The following ANO9 variants were observed in gnomAD, a reference collection of about 807,000 sequenced individuals.
ANO9 encodes anoctamin 9.
A neutral mutation model predicts 100.5 loss-of-function variants in ANO9; 80 were observed. That is an observed-to-expected ratio of 0.80 (90% CI 0.66 to 0.96). ANO9 has a LOEUF of 0.96. Among genes scored for constraint, ANO9 ranks in the 40% least tolerant of loss-of-function variants. The probability of loss-of-function intolerance (pLI) is 0.00; values close to 1 mark genes in which losing one functional copy is unlikely to be tolerated. For synonymous variants in ANO9, 473 were observed against 435.6 expected, an observed-to-expected ratio of 1.09 and a Z score of -1.07; for missense variants, 1,064 against 1,072.7, an observed-to-expected ratio of 0.99 and a Z score of 0.11.
At chr11:419,752 C>A (rs377318908) in intron 19 of ANO9, 23 bp from the exon 20 acceptor site, 1 of 1,586,192 alleles carries the variant, frequency 6.3e-7, no homozygotes, top group East Asian at 2.2e-5. Flanking sequence ...AGTGGGCAAG[C>A]GGTCTGACTC....
rs567819745 is a variant in ANO9 at position 434,002 on chromosome 11, G to T, written c.81+22C>A. On this transcript the variant is annotated intron_variant, in intron 2 of 22. Coordinates refer to ENST00000332826, the MANE Select transcript of ANO9 (RefSeq NM_001012302.3). ...GCAGAGCAGGGCCAGGTGGGGCCCG[G>T]GAGGGGCCCCCGGACACCCACCTCA... 5.2e-6 allele frequency: 8 copies of T among 1,550,498 alleles called. No homozygotes were observed. In the African/African-American group the frequency reaches 6.8e-5, roughly 13 times the overall value.
In ANO9 at chr11:420,425, G is replaced by T. The variant is rs182229874; in HGVS notation, c.1786+38C>A. On this transcript the variant is annotated intron_variant, in intron 19 of 22. Transcript: ENST00000332826. The stretch of plus-strand genomic sequence containing the variant: ...GCGGGAAGCCCACAGGCCTGAGGCC[G>T]CCCAGTTCCCGCCCATCCTGCGCCC... 837 of 1,592,758 alleles carry T rather than the reference G, an allele frequency of 5.3e-4. 4 individuals are homozygous for T. In the Middle Eastern group the frequency reaches 0.017, roughly 32 times the overall value.
At position 433,464 on chromosome 11, in the gene ANO9, G is replaced by A; in HGVS notation, c.205-5C>T. ...CTGTTTCTGGTCCCGGATCACCTGG[G>A]GGCACATGGGATCCTCTATCCCACC... On this transcript the variant is annotated splice_region_variant and splice_polypyrimidine_tract_variant and intron_variant, in intron 3 of 22. Transcript: ENST00000332826. 1 of 1,612,278 alleles carries A rather than the reference G, an allele frequency of 6.2e-7. No individual in the cohort carries two copies. The highest frequency in any genetic ancestry group is 8.5e-7 in the Non-Finnish European group (1 of 1,179,576).
Position 430,090 on chromosome 11 carries a change from A to C in ANO9, c.764T>G (p.Phe255Cys). The change falls in exon 9 of 23, where the codon TTT (phenylalanine) becomes TGT (cysteine). Residue 255 changes from phenylalanine (F) to cysteine (C), a missense_variant. Coordinates refer to ENST00000332826, the MANE Select transcript of ANO9 (RefSeq NM_001012302.3). ...GACCCGGAGGCGACAAACCTTGGCAAAAGTGCAGGTTTCCGAGAGCCGCTG... is the reference window on the plus strand; with the variant it reads ...GACCCGGAGGCGACAAACCTTGGCACAAGTGCAGGTTTCCGAGAGCCGCTG... ...RYQRLSETCT[F>C]AKLTHLFDND... is the part of the protein sequence containing the mutation. 6.4e-7 allele frequency: 1 copy of C among 1,550,882 alleles called. No homozygotes were observed. Among genetic ancestry groups the C allele is most frequent in the Non-Finnish European group, 8.7e-7 (1 of 1,147,528 alleles).
At chr11:438,610 A>C (rs183584515) in intron 1 of ANO9, among the ~76,000 whole-genome samples, 262 of 150,094 alleles carry the variant, frequency 1.7e-3, no homozygotes, top group African/African-American at 6.3e-3. Flanking sequence ...GTGTTTACGG[A>C]GCCACACCCA....
At chr11:440,119 G>A (rs556774758) in intron 1 of ANO9, among the ~76,000 whole-genome samples, 17 of 152,180 alleles carry the variant, frequency 1.1e-4, no homozygotes, top group Non-Finnish European at 2.4e-4. Context: ...GGACTCAGCA[G>A]TCAGCACCTC....
At position 432,921 on chromosome 11, in the gene ANO9, G is replaced by A. The variant is rs762970649; in HGVS notation, c.350+393C>T. 1.5e-4 allele frequency: 28 copies of A among 189,652 alleles called. No homozygotes were observed. The highest frequency in any genetic ancestry group is 2.0e-4 in the Non-Finnish European group (19 of 93,730). 11.7% of individuals were successfully genotyped at this position (189,652 alleles called of 1,614,324 possible). On this transcript the variant is annotated intron_variant, in intron 4 of 22. Transcript: ENST00000332826. The surrounding 1 kb of genome is among the most constrained non-coding windows in gnomAD (Gnocchi z 4.8). The stretch of plus-strand genomic sequence containing the variant: ...GCTGGGCCTCTGGGTCTTTGCCTTG[G>A]AGGCCAGGGACGGTGTCCAGGAAGG...
chr11:428,385 A>C lies in ANO9; in HGVS notation c.1195T>G (p.Cys399Gly), dbSNP rs10794323. The stretch of plus-strand genomic sequence containing the variant: ...AAGTCACAAAGCTTCAGGGCCACGC[A>C]CCTGTTGATCTGCGGAGGAGGGCAC... ...TIIIMTKINR[C>G]VALKLCDFEM... The change falls in exon 14 of 23, where the codon TGC becomes GGC. Residue 399 changes from cysteine (C) to glycine (G), a missense_variant. Transcript: ENST00000332826. 1.2e-6 allele frequency: 2 copies of C among 1,612,426 alleles called. No individual in the cohort carries two copies. The highest frequency in any genetic ancestry group is 3.3e-5 in the Admixed American group (2 of 59,974).
intron 1 of ANO9, among the ~76,000 whole-genome samples, chr11:439,028 C>CT (rs1845620206): frequency 1.3e-5 from 2 of 152,328 alleles, no homozygotes; most frequent in South Asian, 4.1e-4. Context: ...GGCCCTAGCT[C>CT]TGACGCCACC....
Position 430,389 on chromosome 11 carries a change from T to C in ANO9, c.554A>G (p.Glu185Gly). 6 of 1,477,210 alleles carry C rather than the reference T, an allele frequency of 4.1e-6. No homozygotes were observed. The highest frequency in any genetic ancestry group is 5.5e-6 in the Non-Finnish European group (6 of 1,098,410). The allele number at this position is 1,477,210 out of a possible 1,614,324, so 91.5% of individuals were successfully genotyped here. A position where few individuals can be genotyped will look rare whatever the true frequency, so the allele number is the denominator to read the frequency against. ...PVDEIRNYFG[E>G]KVALYFVWLG... ...CCAGACGAAGTACAGGGCCACCTTT[T>C]CCCCAAAGTAGTTCCTGCAGGCAGC... The change falls in exon 8 of 23, where the codon GAA becomes GGA. Residue 185 changes from glutamate to glycine, a missense_variant. Coordinates refer to ENST00000332826, the MANE Select transcript of ANO9 (RefSeq NM_001012302.3).
At chr11:436,656 G>A (rs557052553) in intron 1 of ANO9, among the ~76,000 whole-genome samples, 6 of 146,166 alleles carry the variant, frequency 4.1e-5, no homozygotes, top group South Asian at 2.2e-4. Context: ...GTGAGCAGGG[G>A]GTGAGCAGGG....
chr11:437,157 G>A (rs1394059305), intron 1 of ANO9, among the ~76,000 whole-genome samples: 4 of 151,830 alleles, frequency 2.6e-5, no homozygotes, highest in Non-Finnish European at 2.9e-5. Flanking sequence ...TGTGCACTGC[G>A]CATGCAGGGA....
intron 1 of ANO9, among the ~76,000 whole-genome samples, chr11:436,429 C>A (rs1463634192): frequency 2.0e-5 from 3 of 151,978 alleles, no homozygotes; most frequent in Non-Finnish European, 2.9e-5. Context: ...CCAGCCCCCA[C>A]CCCACACACA....
At chr11:420,689 C>G (rs199998086) in intron 18 of ANO9, 29 bp downstream of exon 18, 1 of 1,602,446 alleles carries the variant, frequency 6.2e-7, no homozygotes, top group Non-Finnish European at 8.5e-7. Context: ...TTCGTCTCCG[C>G]GAACCCCCGC....
rs1225481843 is a variant in ANO9 at position 422,816 on chromosome 11, G to A, written c.1335-1618C>T. On this transcript the variant is annotated intron_variant, in intron 15 of 22. Coordinates refer to ENST00000332826, the MANE Select transcript of ANO9 (RefSeq NM_001012302.3). The surrounding 1 kb of genome is among the most constrained non-coding windows in gnomAD (Gnocchi z 4.3). ...TATCATTTTACTTATACAATCTTAA[G>A]CCAAGTCCCACAGAATTTTTTTTTT... Among the ~76,000 whole-genome samples the A allele has an allele frequency of 1.3e-5, 2 of 151,328 alleles. No homozygotes were observed. Among genetic ancestry groups the A allele is most frequent in the South Asian group, 2.1e-4 (1 of 4,786 alleles).
At chr11:433,173 C>A (rs1849156743) in intron 4 of ANO9, 141 bp downstream of exon 4, 9 of 1,184,634 alleles carry the variant, frequency 7.6e-6, no homozygotes, top group Admixed American at 2.9e-5. Flanking sequence ...GGGTCTCACA[C>A]CTGTGGCCCC....
chr11:424,908 G>A (rs937131159), intron 15 of ANO9, among the ~76,000 whole-genome samples: 1 of 152,096 alleles, frequency 6.6e-6, no homozygotes, highest in African/African-American at 2.4e-5. Context: ...AATCTCTCCA[G>A]ATGTTACAAG....
At chr11:437,908 G>A (rs575160635) in intron 1 of ANO9, among the ~76,000 whole-genome samples, 1 of 152,212 alleles carries the variant, frequency 6.6e-6, no homozygotes, top group Non-Finnish European at 1.5e-5. Flanking sequence ...CATCAGCCTG[G>A]GCCGAAAGTT....
Position 428,406 on chromosome 11 carries a change from G to A in ANO9, c.1186-12C>T. 6.2e-7 allele frequency: 1 copy of A among 1,612,650 alleles called. No homozygotes were observed. The highest frequency in any genetic ancestry group is 8.5e-7 in the Non-Finnish European group (1 of 1,179,926). On this transcript the variant is annotated splice_polypyrimidine_tract_variant and intron_variant, in intron 13 of 22. Transcript: ENST00000332826. ...ACGCACCTGTTGATCTGCGGAGGAGGGCACCGAATGGGCTCACTGGGGCTC... is the reference window on the plus strand; with the variant it reads ...ACGCACCTGTTGATCTGCGGAGGAGAGCACCGAATGGGCTCACTGGGGCTC...
Sources: allele counts gnomAD v4.1 joint callset (sites outside exome capture counted in the v4.1 genomes callset), GRCh38; gene constraint gnomAD v4.1.1; non-coding constraint Gnocchi (gnomAD v3.1); transcripts MANE v1.5; gene names NCBI Gene and HGNC (gene_info 2026-07-23, HGNC 2026-07-21).